CEP63: variants seen among roughly 807,000 people sequenced by gnomAD.
CEP63 encodes centrosomal protein of 63 kDa.
In CEP63, 84 loss-of-function variants were observed where a neutral mutation model predicts 89.1. The observed-to-expected ratio is 0.94, with a 90% CI of 0.79 to 1.13. The LOEUF is 1.13. Among genes scored for constraint, CEP63 ranks in the 50% most tolerant of loss-of-function variants. The pLI, the probability that CEP63 is intolerant of heterozygous loss-of-function variation, is 0.00. For synonymous variants in CEP63, 267 were observed against 272.5 expected (o/e 0.98, Z 0.20); for missense variants, 838 against 813.3 (o/e 1.03, Z -0.37).
the CEP63 span, among the ~76,000 whole-genome samples, chr3:134,669,180 T>C: frequency 3.6e-4 from 54 of 152,072 alleles, no homozygotes; most frequent in South Asian, 0.011. Context: ...CATGTGCCCC[T>C]ACACGCGGCT....
chr3:134,588,939 A>G (rs1180488959), downstream of CEP63, among the ~76,000 whole-genome samples: 1 of 152,238 alleles, frequency 6.6e-6, no homozygotes, highest in Non-Finnish European at 1.5e-5. Flanking sequence ...ACTCCTTGCC[A>G]ACAGCTGTAA....
At chr3:134,509,406 A>G (rs934124111) in intron 3 of CEP63, among the ~76,000 whole-genome samples, 1 of 152,198 alleles carries the variant, frequency 6.6e-6, no homozygotes, top group Non-Finnish European at 1.5e-5. Flanking sequence ...CCCCACTTCT[A>G]ACATTGGGGA....
intron 1 of CEP63, among the ~76,000 whole-genome samples, chr3:134,490,107 G>A (rs888979831): frequency 1.3e-5 from 2 of 152,090 alleles, no homozygotes; most frequent in Non-Finnish European, 2.9e-5. Flanking sequence ...ACCTAGGTGG[G>A]AGAGGTGTTC....
At chr3:134,768,527 G>A in the CEP63 span, among the ~76,000 whole-genome samples, 3 of 152,160 alleles carry the variant, frequency 2.0e-5, no homozygotes, top group Non-Finnish European at 4.4e-5. Flanking sequence ...TTCTCAGTCA[G>A]CATTGGCATA....
intron 3 of CEP63, among the ~76,000 whole-genome samples, chr3:134,513,621 G>C (rs1423535335): frequency 6.6e-6 from 1 of 152,092 alleles, no homozygotes; most frequent in Non-Finnish European, 1.5e-5. Context: ...CAGCCGAGAG[G>C]ATAAAAGGTT....
At chr3:134,537,815 A>T (rs921997687) in intron 6 of CEP63, among the ~76,000 whole-genome samples, 3 of 152,204 alleles carry the variant, frequency 2.0e-5, no homozygotes, top group African/African-American at 7.2e-5. Flanking sequence ...TAGTCTGCCT[A>T]TGCGGACAGA....
At chr3:134,585,194 T>C (rs1191144466) in intron 10 of CEP63, among the ~76,000 whole-genome samples, 11 of 152,132 alleles carry the variant, frequency 7.2e-5, no homozygotes, top group African/African-American at 2.7e-4. Flanking sequence ...TCCTTCAGTT[T>C]TGCTCTGATC....
At chr3:134,584,708 G>C (rs988766964) in intron 10 of CEP63, among the ~76,000 whole-genome samples, 1 of 152,100 alleles carries the variant, frequency 6.6e-6, no homozygotes, top group Non-Finnish European at 1.5e-5. Flanking sequence ...GAGTTAGGGA[G>C]GATCCCCTCT....
chr3:134,702,708 A>G, the CEP63 span, among the ~76,000 whole-genome samples: 2 of 152,236 alleles, frequency 1.3e-5, no homozygotes, highest in Non-Finnish European at 2.9e-5. Context: ...GCCAACAAAC[A>G]TTAAATAAAG....
intron 10 of CEP63, among the ~76,000 whole-genome samples, chr3:134,581,679 A>ACTTTT (rs1958351751): frequency 8.1e-6 from 1 of 124,200 alleles, no homozygotes; most frequent in Admixed American, 8.8e-5. Flanking sequence ...TGATGAAAAC[A>ACTTTT]TTTTTTTTTT....
the CEP63 span, among the ~76,000 whole-genome samples, chr3:134,677,756 C>T: frequency 6.6e-6 from 1 of 151,960 alleles, no homozygotes; most frequent in African/African-American, 2.4e-5. Flanking sequence ...TCAGATTAGC[C>T]CTCCCCTGTT....
the CEP63 span, among the ~76,000 whole-genome samples, chr3:134,592,980 T>C: frequency 6.6e-6 from 1 of 152,096 alleles, no homozygotes; most frequent in Admixed American, 6.6e-5. Flanking sequence ...TGTCCCATCA[T>C]ATAATAGACA....
the CEP63 span, among the ~76,000 whole-genome samples, chr3:134,713,607 T>C: frequency 1.3e-5 from 2 of 152,110 alleles, no homozygotes; most frequent in African/African-American, 2.4e-5. Flanking sequence ...ACCTGGGGGA[T>C]CCCTTCTTAG....
At chr3:134,574,629 A>T (rs924449157) in intron 11 of CEP63, among the ~76,000 whole-genome samples, 1 of 152,152 alleles carries the variant, frequency 6.6e-6, no homozygotes, top group Admixed American at 6.6e-5. Flanking sequence ...TTTTTTGGTT[A>T]TAGAGTCCCA....
chr3:134,756,884 A>T, the CEP63 span, among the ~76,000 whole-genome samples: 1 of 152,292 alleles, frequency 6.6e-6, no homozygotes, highest in East Asian at 1.9e-4. Context: ...CAGCTCCAAA[A>T]GGGAGACCAG....
rs1172509729 is a variant in CEP63, at chr3:134,562,068, G to T, written c.*533G>T. ...AGTCAGGCTGGTAGTGAATAAGGGG[G>T]GGGTGTGCTAAAGAACCTTATCAAG... On this transcript the variant is annotated 3_prime_UTR_variant, in exon 15 of 15. Coordinates refer to ENST00000675561, the MANE Select transcript of CEP63 (RefSeq NM_001353108.3). 3 of 994,710 alleles carry T rather than the reference G, an allele frequency of 3.0e-6. No individual in the cohort carries two copies. The highest frequency in any genetic ancestry group is 5.7e-5 in the Admixed American group (1 of 17,638). The allele number at this position is 994,710 out of a possible 1,614,324, so 61.6% of individuals were successfully genotyped here.
the CEP63 span, among the ~76,000 whole-genome samples, chr3:134,593,606 G>A: frequency 2.7e-3 from 408 of 152,258 alleles, 2 homozygotes; most frequent in African/African-American, 9.2e-3. Context: ...GGAGGAGGAG[G>A]GGTCCACAGG....
At chr3:134,583,857 G>T (rs1958420460) in intron 10 of CEP63, among the ~76,000 whole-genome samples, 1 of 152,052 alleles carries the variant, frequency 6.6e-6, no homozygotes, top group Admixed American at 6.6e-5. Flanking sequence ...TTATTTCGTT[G>T]AGCAGAGGTT....
At chr3:134,645,288 G>A in the CEP63 span, among the ~76,000 whole-genome samples, 3 of 152,188 alleles carry the variant, frequency 2.0e-5, no homozygotes, top group Admixed American at 6.5e-5. Flanking sequence ...GAGCTCTCTA[G>A]TCTCAACACC....
Sources: gnomAD v4.1 joint callset for allele counts (sites outside exome capture counted in the v4.1 genomes callset) on GRCh38, gnomAD v4.1.1 for gene constraint, MANE v1.5 for transcripts, NCBI Gene and HGNC (gene_info 2026-07-23, HGNC 2026-07-21) for gene names.